MED13: variants seen among roughly 807,000 people sequenced by gnomAD.
The protein encoded by MED13 is mediator of RNA polymerase II transcription subunit 13.
A neutral mutation model predicts 225.2 loss-of-function variants in MED13; 23 were observed. That is an observed-to-expected ratio of 0.10 (90% confidence interval 0.07 to 0.14). MED13 has a LOEUF of 0.14. Ranked by LOEUF, MED13 falls within the 10% of genes least tolerant of loss-of-function variation. MED13 has a pLI of 1.00. For missense variants in MED13, 2,197 were observed against 2,594.5 expected, an observed-to-expected ratio of 0.85 and a Z score of 3.33; for synonymous variants, 942 against 889.2, an observed-to-expected ratio of 1.06 and a Z score of -1.06.
chr17:61,957,656 T>C (rs1274300560), intron 23 of MED13, among the ~76,000 whole-genome samples: 1 of 151,552 alleles, frequency 6.6e-6, no homozygotes, highest in Non-Finnish European at 1.5e-5. Context: ...CCCAGCAAAC[T>C]TTTTTTAAAG....
rs558640826 is a variant in MED13, at chr17:61,971,887, C to T, written c.3967+840G>A. Among the ~76,000 whole-genome samples, 116 of 152,078 alleles carry T rather than the reference C, an allele frequency of 7.6e-4. 1 individual carries two copies. Among genetic ancestry groups the T allele is most frequent in the African/African-American group, 2.4e-3 (100 of 41,506 alleles). ...AGGCGGAGGTTACGGTGAGCCAAGA[C>T]GGCGCCAGTGCACTCCAGCCTGGGC... On this transcript the variant is annotated intron_variant, in intron 17 of 29. Coordinates refer to ENST00000397786, the MANE Select transcript of MED13 (RefSeq NM_005121.3).
At chr17:61,951,623 G>A (rs1166893038) in intron 27 of MED13, among the ~76,000 whole-genome samples, 1 of 152,060 alleles carries the variant, frequency 6.6e-6, no homozygotes, top group Admixed American at 6.6e-5. Flanking sequence ...TTAGGGTATA[G>A]CAAAAATGCA....
chr17:62,004,717 TA>T (rs1234170156), intron 9 of MED13: 2 of 152,132 alleles, frequency 1.3e-5, no homozygotes, highest in African/African-American at 4.8e-5. Flanking sequence ...TTTAAGCAAA[TA>T]AGTAAGACAA....
At chr17:62,049,078 C>CCAAAAAAAAAAAAA (rs1394947952) in intron 3 of MED13, among the ~76,000 whole-genome samples, 1 of 45,330 alleles carries the variant, frequency 2.2e-5, no homozygotes, top group African/African-American at 8.7e-5. Context: ...GTAAATAAGA[C>CCAAAAAAAAAAAAA]AAAAAAAAAA....
chr17:61,998,083 C>CTA (rs778292028), intron 9 of MED13, among the ~76,000 whole-genome samples: 18 of 152,196 alleles, frequency 1.2e-4, no homozygotes, highest in Non-Finnish European at 2.4e-4. Context: ...ATTATACATT[C>CTA]TATATTTAAA....
intron 8 of MED13, among the ~76,000 whole-genome samples, chr17:62,020,242 T>C (rs1014575107): frequency 6.6e-5 from 10 of 151,196 alleles, no homozygotes; most frequent in African/African-American, 1.9e-4. Flanking sequence ...TTTTTTTTTT[T>C]ATGAAGATTA....
intron 9 of MED13, among the ~76,000 whole-genome samples, chr17:62,001,632 A>G (rs2143545438): frequency 6.6e-6 from 1 of 152,304 alleles, no homozygotes; most frequent in South Asian, 2.1e-4. Flanking sequence ...ACTACTAAGG[A>G]GCACCCCTAT....
In MED13 at chr17:61,945,794, A is replaced by G. The variant is rs1431353430; in HGVS notation, c.*674T>C. Reference sequence around the variant, plus strand: ...ATGGTATGGACATTATTCCCCCTCTATCCCCGTTAAACTGTACATCGAGAC... The same window carrying G: ...ATGGTATGGACATTATTCCCCCTCTGTCCCCGTTAAACTGTACATCGAGAC... On this transcript the variant is annotated 3_prime_UTR_variant, in exon 30 of 30. Transcript: ENST00000397786. The G allele has an allele frequency of 6.6e-6, 1 of 152,464 alleles. No homozygotes were observed. The highest frequency in any genetic ancestry group is 1.5e-5 in the Non-Finnish European group (1 of 68,044). The allele number at this position is 152,464 out of a possible 1,614,324, so 9.4% of individuals were successfully genotyped here.
In MED13 at chr17:61,995,190, T is replaced by G. The variant is rs752405285; in HGVS notation, c.2143A>C (p.Arg715=). 33 of 1,613,700 alleles carry G rather than the reference T, an allele frequency of 2.0e-5. 1 individual carries two copies. In the South Asian group the frequency reaches 3.6e-4, roughly 18 times the overall value. ...CCAGCTTCTCTCTCACTATTTTGTC[T>G]ATCTTTTTTATCAGGAAAAAGGAAT... The part of the protein sequence containing the change: ...EEFLFPDKKD[R]QNSEREAGKK... The change falls in exon 10 of 30, where the codon AGA becomes CGA. Residue 715 remains arginine (R), a synonymous_variant. Transcript: ENST00000397786.
chr17:62,018,702 A>G (rs993930746), intron 8 of MED13, among the ~76,000 whole-genome samples: 4 of 149,692 alleles, frequency 2.7e-5, no homozygotes, highest in African/African-American at 1.0e-4. Flanking sequence ...CAACAGAGGC[A>G]AAGACCCTAT....
intron 9 of MED13, among the ~76,000 whole-genome samples, chr17:62,000,023 T>C (rs1219334150): frequency 6.6e-6 from 1 of 152,158 alleles, no homozygotes; most frequent in African/African-American, 2.4e-5. Context: ...TGAGCCATGA[T>C]CATGCCACTG....
intron 2 of MED13, among the ~76,000 whole-genome samples, chr17:62,055,044 TA>T (rs944380663): frequency 6.6e-6 from 1 of 152,112 alleles, no homozygotes; most frequent in South Asian, 2.1e-4. Flanking sequence ...AAATAGTAAA[TA>T]AAAAAATCTG....
intron 8 of MED13, among the ~76,000 whole-genome samples, chr17:62,026,278 C>A (rs904432549): frequency 6.6e-6 from 1 of 152,140 alleles, no homozygotes. Context: ...CCACGTTCAT[C>A]TATTCTTCTA....
chr17:61,944,679 TA>T lies in MED13; in HGVS notation c.*1788del, dbSNP rs879459006. The T allele has an allele frequency of 1.3e-4, 19 of 145,922 alleles. No individual in the cohort carries two copies. The highest frequency in any genetic ancestry group is 6.5e-4 in the South Asian group (3 of 4,602). 9.0% of individuals were successfully genotyped at this position (145,922 alleles called of 1,614,324 possible). Reference sequence around the variant, plus strand: ...GAGTATTCACAAAAACAAGTTTCAGTAAAAAAAAAAACTAAAACAAACACTG... The same window carrying T: ...GAGTATTCACAAAAACAAGTTTCAGTAAAAAAAAAACTAAAACAAACACTG... On this transcript the variant is annotated 3_prime_UTR_variant, in exon 30 of 30. Transcript: ENST00000397786.
chr17:61,948,313 G>A (rs2079867565), intron 28 of MED13, among the ~76,000 whole-genome samples: 1 of 152,170 alleles, frequency 6.6e-6, no homozygotes, highest in Admixed American at 6.5e-5. Flanking sequence ...AAGGGTGAAT[G>A]CCCGCTTTAT....
chr17:61,972,411 A>T (rs2080117709), intron 17 of MED13, among the ~76,000 whole-genome samples: 1 of 152,182 alleles, frequency 6.6e-6, no homozygotes, highest in Admixed American at 6.5e-5. Context: ...TGTAAAATAA[A>T]TAACAAAAGT....
intron 28 of MED13, 121 bp downstream of exon 28, chr17:61,950,704 A>G: frequency 1.0e-6 from 1 of 1,004,054 alleles, no homozygotes; most frequent in Non-Finnish European, 1.5e-6. Context: ...AAAGAGTCAC[A>G]TATGGCAGTG....
Position 61,992,838 on chromosome 17 carries a change from G to A in MED13, c.2182-217C>T, listed in dbSNP as rs1425754217. Reference sequence around the variant, plus strand: ...GGCTGTAGTACAGTGGCACGATCTCGGCTCACTTGCACCTCTGCCTCCTAG... The same window carrying A: ...GGCTGTAGTACAGTGGCACGATCTCAGCTCACTTGCACCTCTGCCTCCTAG... On this transcript the variant is annotated intron_variant, in intron 10 of 29. Transcript: ENST00000397786. Among the ~76,000 whole-genome samples, 6 of 112,572 alleles carry A rather than the reference G, an allele frequency of 5.3e-5. No homozygotes were observed. The East Asian group carries it at 7.8e-4, about 15-fold the overall frequency. The allele number at this position is 112,572 out of a possible 152,430, so 73.9% of individuals were successfully genotyped here.
At chr17:61,948,851 C>T (rs1426217393) in intron 28 of MED13, among the ~76,000 whole-genome samples, 2 of 151,278 alleles carry the variant, frequency 1.3e-5, no homozygotes, top group Middle Eastern at 3.4e-3. Flanking sequence ...CTTTGGGAGG[C>T]CGAGGCGGGC....
Sources: gnomAD v4.1 joint callset for allele counts (sites outside exome capture counted in the v4.1 genomes callset) on GRCh38, gnomAD v4.1.1 for gene constraint, MANE v1.5 for transcripts, NCBI Gene and HGNC (gene_info 2026-07-23, HGNC 2026-07-21) for gene names.